SNCAIP: variants seen among roughly 807,000 people sequenced by gnomAD.
SNCAIP encodes synphilin-1.
A neutral mutation model predicts 86.7 loss-of-function variants in SNCAIP; 43 were observed. That is an observed-to-expected ratio of 0.50 (90% CI 0.39 to 0.64). The LOEUF is 0.64. SNCAIP is among the 30% of genes least tolerant of loss of function. SNCAIP has a pLI of 0.00. For synonymous variants in SNCAIP, 417 were observed against 427.2 expected (o/e 0.98, Z 0.29); for missense variants, 981 against 1,103.1 (o/e 0.89, Z 1.57).
chr5:122,343,540 T>C lies in SNCAIP; in HGVS notation c.-47+31256T>C, dbSNP rs7380074. On this transcript the variant is annotated intron_variant, in intron 1 of 10. Coordinates refer to ENST00000261368, the MANE Select transcript of SNCAIP (RefSeq NM_005460.4). ...TTGCTTTCATGGATCACTGAGAATG[T>C]TTTGTAAATGAATCATCACTGCTAT... 2.0e-5 allele frequency among the ~76,000 whole-genome samples: 3 copies of C among 152,320 alleles called. No individual in the cohort carries two copies. In the East Asian group the frequency reaches 5.8e-4, roughly 29 times the overall value.
chr5:122,380,719 C>T (rs1021329601), intron 1 of SNCAIP, among the ~76,000 whole-genome samples: 3 of 150,004 alleles, frequency 2.0e-5, no homozygotes, highest in African/African-American at 5.0e-5. Context: ...TGAATGCGTC[C>T]CAGAGATTCT....
chr5:122,392,796 C>T (rs2152843940), intron 2 of SNCAIP, among the ~76,000 whole-genome samples: 1 of 152,234 alleles, frequency 6.6e-6, no homozygotes, highest in South Asian at 2.1e-4. Flanking sequence ...AAACACTTAG[C>T]TTGGCACACA....
intron 1 of SNCAIP, among the ~76,000 whole-genome samples, chr5:122,349,591 C>G (rs1454305207): frequency 2.0e-5 from 3 of 152,124 alleles, no homozygotes; most frequent in Non-Finnish European, 4.4e-5. Context: ...TAACTAATTT[C>G]TATACTCCAC....
At position 122,436,216 on chromosome 5, in the gene SNCAIP, A is replaced by G. The variant is rs200988979; in HGVS notation, c.1296+4134A>G. Among the ~76,000 whole-genome samples, 560 of 151,834 alleles carry G rather than the reference A, an allele frequency of 3.7e-3. 12 individuals carry two copies. In the East Asian group the frequency reaches 0.038, roughly 10 times the overall value. ...ATTTTAATTTTTTTTTTTTTTAAAA[A>G]GAGAGAAAATATAAGAATAGGTCTC... On this transcript the variant is annotated intron_variant, in intron 6 of 10. Transcript: ENST00000261368.
intron 1 of SNCAIP, among the ~76,000 whole-genome samples, chr5:122,360,659 C>T (rs1033003976): frequency 4.6e-5 from 7 of 152,104 alleles, no homozygotes; most frequent in Non-Finnish European, 8.8e-5. Context: ...AAATGTTAGG[C>T]ATGTGAAAAC....
At chr5:122,431,714 C>G (rs1415285122) in intron 5 of SNCAIP, among the ~76,000 whole-genome samples, 1 of 152,008 alleles carries the variant, frequency 6.6e-6, no homozygotes, top group Non-Finnish European at 1.5e-5. Context: ...CAAATTATAC[C>G]TTACTAAAGT....
At chr5:122,389,793 A>C (rs1197538216) in intron 1 of SNCAIP, 1 of 152,182 alleles carries the variant, frequency 6.6e-6, no homozygotes, top group African/African-American at 2.4e-5. Context: ...TATTGTAATT[A>C]AGACTTTAAA....
chr5:122,363,989 A>G (rs2152773977), intron 1 of SNCAIP, among the ~76,000 whole-genome samples: 2 of 152,070 alleles, frequency 1.3e-5, no homozygotes, highest in South Asian at 2.1e-4. Flanking sequence ...CACCAGGCTA[A>G]TTAAAAAAAG....
chr5:122,365,839 C>A (rs1365113595), intron 1 of SNCAIP, among the ~76,000 whole-genome samples: 2 of 152,120 alleles, frequency 1.3e-5, no homozygotes, highest in South Asian at 4.1e-4. Context: ...AGGCGGGATG[C>A]AGATGCATGG....
chr5:122,405,393 T>G (rs1460352811), intron 3 of SNCAIP, among the ~76,000 whole-genome samples: 2 of 152,202 alleles, frequency 1.3e-5, no homozygotes, highest in Non-Finnish European at 2.9e-5. Flanking sequence ...AGCAAATACT[T>G]TATCAGGGCT....
At chr5:122,455,246 CAG>C (rs569961306) in intron 10 of SNCAIP, among the ~76,000 whole-genome samples, 213 of 152,268 alleles carry the variant, frequency 1.4e-3, no homozygotes, top group African/African-American at 4.8e-3. Context: ...CACACACAGA[CAG>C]AGAGAACTAG....
At chr5:122,388,472 C>G (rs1479145868) in intron 1 of SNCAIP, 1 of 152,312 alleles carries the variant, frequency 6.6e-6, no homozygotes, top group East Asian at 1.9e-4. Flanking sequence ...GAAAAGCAAC[C>G]ACAGTTCACC....
chr5:122,358,581 T>A (rs1420568683), intron 1 of SNCAIP, among the ~76,000 whole-genome samples: 1 of 151,982 alleles, frequency 6.6e-6, no homozygotes, highest in Non-Finnish European at 1.5e-5. Context: ...TTCCTCTGTA[T>A]CCACTGTGTA....
rs116137892 is a variant in SNCAIP, at chr5:122,417,031, C to T, written c.131-5837C>T. Reference sequence around the variant, plus strand: ...CACTACTTTATCCTAAATCATACCGCTTTTCTTTCTATTCTTGATGTCTCA... The same window carrying T: ...CACTACTTTATCCTAAATCATACCGTTTTTCTTTCTATTCTTGATGTCTCA... On this transcript the variant is annotated intron_variant, in intron 3 of 10. Coordinates refer to ENST00000261368, the MANE Select transcript of SNCAIP (RefSeq NM_005460.4). Among the ~76,000 whole-genome samples, 1,385 of 152,252 alleles carry T rather than the reference C, an allele frequency of 9.1e-3. 18 individuals carry two copies. The highest frequency in any genetic ancestry group is 0.03 in the African/African-American group (1,265 of 41,532).
chr5:122,455,065 C>T (rs944421348), intron 10 of SNCAIP, among the ~76,000 whole-genome samples: 80 of 152,102 alleles, frequency 5.3e-4, no homozygotes, highest in Non-Finnish European at 9.1e-4. Context: ...ACTTAGAAAC[C>T]CCAAAATAAA....
rs115100246 is a variant in SNCAIP at position 122,429,754 on chromosome 5, C to T, written c.1183-2215C>T. On this transcript the variant is annotated intron_variant, in intron 5 of 10. Coordinates refer to ENST00000261368, the MANE Select transcript of SNCAIP (RefSeq NM_005460.4). The stretch of plus-strand genomic sequence containing the variant: ...AAAGGATGGTTGAGGGTAAGGGGTT[C>T]GTAAAGGAAAGTGCAGTACCCTGGG... 3.2e-3 allele frequency among the ~76,000 whole-genome samples: 490 copies of T among 152,096 alleles called. 4 individuals are homozygous for T. The highest frequency in any genetic ancestry group is 0.011 in the African/African-American group (459 of 41,504).
intron 6 of SNCAIP, among the ~76,000 whole-genome samples, chr5:122,437,768 G>C (rs149115229): frequency 1.4e-3 from 219 of 152,278 alleles, no homozygotes; most frequent in African/African-American, 4.9e-3. Context: ...AACCTGACTT[G>C]GAGGCCCCCT....
chr5:122,417,828 A>G (rs1165046374), intron 3 of SNCAIP, among the ~76,000 whole-genome samples: 2 of 152,200 alleles, frequency 1.3e-5, no homozygotes, highest in South Asian at 2.1e-4. Flanking sequence ...AGGGCTGGTT[A>G]TAAACACAAG....
chr5:122,451,048 C>T lies in SNCAIP; in HGVS notation c.2201C>T (p.Pro734Leu). ...TTGGCATCAGGGGGACGCAGGTTTCCTTTCAGCATCAAGGCCTCCAAATCC... is the reference window on the plus strand; with the variant it reads ...TTGGCATCAGGGGGACGCAGGTTTCTTTTCAGCATCAAGGCCTCCAAATCC... ...HTLASGGRRF[P>L]FSIKASKSLD... The change falls in exon 10 of 11, where the codon CCT becomes CTT. Residue 734 changes from proline to leucine, a missense_variant. By Grantham distance (98) the Pro-to-Leu change is moderately conservative. Coordinates refer to ENST00000261368, the MANE Select transcript of SNCAIP (RefSeq NM_005460.4). 1 of 1,614,166 alleles carries T rather than the reference C, an allele frequency of 6.2e-7. No homozygotes were observed. Among genetic ancestry groups the T allele is most frequent in the Non-Finnish European group, 8.5e-7 (1 of 1,180,020 alleles).
Sources: gnomAD v4.1 joint callset for allele counts (sites outside exome capture counted in the v4.1 genomes callset) on GRCh38, gnomAD v4.1.1 for gene constraint, MANE v1.5 for transcripts, NCBI Gene and HGNC (gene_info 2026-07-23, HGNC 2026-07-21) for gene names.